The following NR5A2 variants were observed in gnomAD, a reference collection of about 807,000 sequenced individuals.
NR5A2 encodes the protein nuclear receptor subfamily 5 group A member 2.
Under a neutral mutation model 62.7 loss-of-function variants are expected in NR5A2, and 26 were observed. The observed-to-expected ratio is 0.41, with a 90% CI of 0.30 to 0.58. The LOEUF is 0.58. NR5A2 is among the 20% of genes least tolerant of loss of function. The pLI is 0.22. For missense variants in NR5A2, 541 were observed against 669.1 expected (o/e 0.81, Z 2.11); for synonymous variants, 246 against 241.7 (o/e 1.02, Z -0.16).
intron 5 of NR5A2, chr1:200,057,597 G>A (rs1662975772): frequency 2.9e-6 from 1 of 340,446 alleles, no homozygotes; most frequent in Non-Finnish European, 5.9e-6. Flanking sequence ...GCCTGCCTCA[G>A]CCTCCCGAGT....
intron 6 of NR5A2, among the ~76,000 whole-genome samples, chr1:200,119,814 A>G (rs1189785141): frequency 6.6e-6 from 1 of 151,924 alleles, no homozygotes; most frequent in African/African-American, 2.4e-5. Context: ...TTTAGTAGAG[A>G]TGGGGTTTGG....
intron 6 of NR5A2, among the ~76,000 whole-genome samples, chr1:200,116,702 C>CA (rs1398384634): frequency 4.6e-5 from 7 of 151,986 alleles, no homozygotes; most frequent in Non-Finnish European, 1.0e-4. Context: ...CCTTGTTAAG[C>CA]AAAAAGGAAA....
At chr1:200,075,838 T>C (rs1664003672) in intron 5 of NR5A2, among the ~76,000 whole-genome samples, 1 of 152,076 alleles carries the variant, frequency 6.6e-6, no homozygotes, top group Non-Finnish European at 1.5e-5. Context: ...ATGTGAAGCA[T>C]GGTAGTGTGA....
rs749976078 is a variant in NR5A2 at position 200,115,898 on chromosome 1, C to CTAGGTCAGAG, written c.1230+4578_1230+4587dup. Among the ~76,000 whole-genome samples the CTAGGTCAGAG allele has an allele frequency of 5.3e-4, 80 of 151,772 alleles. 1 individual carries two copies. The highest frequency in any genetic ancestry group is 1.3e-4 in the Non-Finnish European group (9 of 67,974). ...GAAAACACCATTGCTTAAAATCCTTCTAGGTCAGAGGAACAGTGACAGGCA... is the reference window on the plus strand; with the variant it reads ...GAAAACACCATTGCTTAAAATCCTTCTAGGTCAGAGTAGGTCAGAGGAACAGTGACAGGCA... On this transcript the variant is annotated intron_variant, in intron 6 of 7. Transcript: ENST00000367362.
rs1034405748 is a variant in NR5A2 at position 200,172,651 on chromosome 1, C to T, written c.1379-1312C>T. Among the ~76,000 whole-genome samples the T allele has an allele frequency of 3.3e-5, 5 of 152,278 alleles. No individual in the cohort carries two copies. The South Asian group carries it at 6.2e-4, about 19-fold the overall frequency. ...ATGGCCCAAATGTAAACACTGAAAT[C>T]GTCCTGAACACACTTCAACAGCGAA... On this transcript the variant is annotated intron_variant, in intron 7 of 7. Coordinates refer to ENST00000367362, the MANE Select transcript of NR5A2 (RefSeq NM_205860.3).
intron 4 of NR5A2, among the ~76,000 whole-genome samples, chr1:200,046,267 A>G (rs1375249875): frequency 6.6e-6 from 1 of 152,216 alleles, no homozygotes; most frequent in East Asian, 1.9e-4. Flanking sequence ...ACTTTGTTGA[A>G]AGAGCAGACC....
chr1:200,066,190 G>A (rs1663459418), intron 5 of NR5A2, among the ~76,000 whole-genome samples: 1 of 152,082 alleles, frequency 6.6e-6, no homozygotes, highest in African/African-American at 2.4e-5. Flanking sequence ...CTTAGATCAG[G>A]GCAGGAGAAT....
In NR5A2 at chr1:200,175,263, G is replaced by A. The variant is rs1470982168; in HGVS notation, c.*1053G>A. The A allele has an allele frequency of 6.6e-6, 1 of 152,380 alleles. No homozygotes were observed. The highest frequency in any genetic ancestry group is 1.9e-4 in the East Asian group (1 of 5,200). 9.4% of individuals were successfully genotyped at this position (152,380 alleles called of 1,614,324 possible). ...TATGCAAAGAGAAAGGAAAGGATGA[G>A]GTGATGTATTGACTCAAGGTTCATT... is the stretch of plus-strand genomic sequence containing the variant. On this transcript the variant is annotated 3_prime_UTR_variant, in exon 8 of 8. Transcript: ENST00000367362.
chr1:200,036,299 C>T (rs1408846246), intron 1 of NR5A2, among the ~76,000 whole-genome samples: 2 of 152,220 alleles, frequency 1.3e-5, no homozygotes, highest in African/African-American at 4.8e-5. Flanking sequence ...CCCACAGCTT[C>T]CTTTCGGAGA....
chr1:200,136,967 T>C (rs143926862), intron 7 of NR5A2, among the ~76,000 whole-genome samples: 138 of 152,162 alleles, frequency 9.1e-4, no homozygotes, highest in Admixed American at 1.5e-3. Context: ...AAGCAGATTT[T>C]CTTTTCTTTA....
chr1:200,054,505 A>T (rs1174445315), intron 5 of NR5A2, among the ~76,000 whole-genome samples: 2 of 152,174 alleles, frequency 1.3e-5, no homozygotes, highest in Non-Finnish European at 2.9e-5. Context: ...AATTCTGGGA[A>T]TGGATATATA....
chr1:200,028,016 T>C (rs990375635), intron 1 of NR5A2, 105 bp downstream of exon 1: 8 of 720,426 alleles, frequency 1.1e-5, no homozygotes, highest in Non-Finnish European at 1.8e-5. Context: ...CTTTTCCTAT[T>C]ATGTTTATTA....
rs375366164 is a variant in NR5A2, at chr1:200,039,771, G to A, written c.178G>A (p.Gly60Ser). ...ACTGGCTCGATCGCATGGGGAACAG[G>A]GCCAGATGCCGGAAAACATGCAAGG... ...LGLARSHGEQGQMPENMQVSQ... is the reference protein window; with the variant it reads ...LGLARSHGEQSQMPENMQVSQ... Residue 60 changes from glycine (G) to serine (S), a missense_variant, in exon 2 of 8, where the codon GGC becomes AGC. Coordinates refer to ENST00000367362, the MANE Select transcript of NR5A2 (RefSeq NM_205860.3). This position sits in a 1 kb window ranked among gnomAD's most constrained non-coding sequence, Gnocchi z 5.1. The A allele has an allele frequency of 6.2e-7, 1 of 1,608,218 alleles. No homozygotes were observed. The highest frequency in any genetic ancestry group is 8.5e-7 in the Non-Finnish European group (1 of 1,177,624).
intron 6 of NR5A2, among the ~76,000 whole-genome samples, chr1:200,117,012 A>T (rs1293978577): frequency 6.6e-6 from 1 of 152,214 alleles, no homozygotes; most frequent in Non-Finnish European, 1.5e-5. Flanking sequence ...TATACAAGTC[A>T]TCAAAATTTC....
intron 5 of NR5A2, among the ~76,000 whole-genome samples, chr1:200,104,473 G>T (rs1233769944): frequency 6.6e-6 from 1 of 152,010 alleles, no homozygotes; most frequent in Non-Finnish European, 1.5e-5. Context: ...ATTTTGATTT[G>T]TTTGGGTTTT....
At chr1:200,051,115 T>G (rs1662610438) in intron 5 of NR5A2, among the ~76,000 whole-genome samples, 1 of 151,988 alleles carries the variant, frequency 6.6e-6, no homozygotes, top group Non-Finnish European at 1.5e-5. Context: ...AAGGGGTAAG[T>G]TGGGTATAAG....
intron 7 of NR5A2, among the ~76,000 whole-genome samples, chr1:200,155,727 G>A (rs56062650): frequency 0.086 from 12,992 of 151,388 alleles, 674 homozygotes; most frequent in Non-Finnish European, 0.12. Context: ...AGGCTGGAGT[G>A]CAATGGTGCG....
chr1:200,039,947 G>C lies in NR5A2; in HGVS notation c.202+152G>C. The C allele has an allele frequency of 1.2e-6, 1 of 813,428 alleles. No individual in the cohort carries two copies. The highest frequency in any genetic ancestry group is 1.8e-6 in the Non-Finnish European group (1 of 553,472). The allele number at this position is 813,428 out of a possible 1,614,324, so 50.4% of individuals were successfully genotyped here. A position where few individuals can be genotyped will look rare whatever the true frequency, so the allele number is the denominator to read the frequency against. ...AGTCAAGCCCCCTCCCCAGGTGCAG[G>C]CATAAAAGTTTATGGCTCTTGAACA... On this transcript the variant is annotated intron_variant, in intron 2 of 7. Transcript: ENST00000367362. The surrounding 1 kb of genome is among the most constrained non-coding windows in gnomAD (Gnocchi z 5.1).
chr1:200,073,779 G>T (rs981753927), intron 5 of NR5A2, among the ~76,000 whole-genome samples: 1 of 152,048 alleles, frequency 6.6e-6, no homozygotes, highest in Non-Finnish European at 1.5e-5. Flanking sequence ...CATATATGGA[G>T]CGCCTCAATA....
Sources: gnomAD v4.1 joint callset for allele counts (sites outside exome capture counted in the v4.1 genomes callset) on GRCh38, gnomAD v4.1.1 for gene constraint, Gnocchi (gnomAD v3.1) non-coding constraint, MANE v1.5 for transcripts, NCBI Gene and HGNC (gene_info 2026-07-23, HGNC 2026-07-21) for gene names.